The following C1orf21 variants were observed in gnomAD, a reference collection of about 807,000 sequenced individuals.
C1orf21 encodes uncharacterized protein C1orf21.
C1orf21 carries 3 observed loss-of-function variants against 18.7 expected under a neutral mutation model. That is an observed-to-expected ratio of 0.16 (90% CI 0.07 to 0.42). The LOEUF is 0.42. C1orf21 is among the 10% of genes least tolerant of loss of function. C1orf21 has a pLI of 0.99. For synonymous variants in C1orf21, 41 were observed against 46.4 expected (o/e 0.88, Z 0.47); for missense variants, 104 against 143.6 (o/e 0.72, Z 1.41).
At chr1:184,415,318 A>T (rs1269799048) in intron 1 of C1orf21, among the ~76,000 whole-genome samples, 1 of 151,940 alleles carries the variant, frequency 6.6e-6, no homozygotes, top group Non-Finnish European at 1.5e-5. Context: ...TCTTCTTTTG[A>T]CTCCTTACTC....
intron 3 of C1orf21, among the ~76,000 whole-genome samples, chr1:184,553,585 A>G (rs1474508308): frequency 6.6e-6 from 1 of 152,180 alleles, no homozygotes; most frequent in African/African-American, 2.4e-5. Context: ...TCAGGTTTTC[A>G]GGCTCCTTCT....
intron 1 of C1orf21, among the ~76,000 whole-genome samples, chr1:184,467,836 G>T (rs1657426087): frequency 6.6e-6 from 1 of 152,138 alleles, no homozygotes; most frequent in Non-Finnish European, 1.5e-5. Context: ...CAAAATTCAT[G>T]AGGTCATATA....
rs1656330008 is a variant in C1orf21 at position 184,410,649 on chromosome 1, ATATATATATATATATTTTT to A, written c.-125+23283_-125+23301del. ...TATATATATATATATATATATATAT[ATATATATATATATATTTTT>A]TTTTTTTTTTTTTGAGATGGAGTTT... is the stretch of plus-strand genomic sequence containing the variant. On this transcript the variant is annotated intron_variant, in intron 1 of 5. Coordinates refer to ENST00000235307, the MANE Select transcript of C1orf21 (RefSeq NM_030806.4). 5.4e-4 allele frequency among the ~76,000 whole-genome samples: 3 copies of A among 5,598 alleles called. 1 individual carries two copies. The highest frequency in any genetic ancestry group is 4.3e-3 in the African/African-American group (2 of 468). 3.7% of individuals were successfully genotyped at this position (5,598 alleles called of 152,430 possible). A position where few individuals can be genotyped will look rare whatever the true frequency, so the allele number is the denominator to read the frequency against.
chr1:184,473,844 C>T (rs1657530913), intron 1 of C1orf21, among the ~76,000 whole-genome samples: 1 of 152,170 alleles, frequency 6.6e-6, no homozygotes, highest in African/African-American at 2.4e-5. Flanking sequence ...TTCTAATTAT[C>T]TCCTTCTCTG....
At chr1:184,605,641 C>T (rs574383893) in intron 5 of C1orf21, among the ~76,000 whole-genome samples, 198 of 152,264 alleles carry the variant, frequency 1.3e-3, no homozygotes, top group African/African-American at 4.6e-3. Context: ...AGAGAAAGAG[C>T]CCATGCTTCA....
chr1:184,539,979 T>G (rs1376156956), intron 3 of C1orf21: 1 of 152,204 alleles, frequency 6.6e-6, no homozygotes, highest in Non-Finnish European at 1.5e-5. Flanking sequence ...GTGATGAACA[T>G]GTACCCACGA....
intron 5 of C1orf21, among the ~76,000 whole-genome samples, chr1:184,605,557 T>C (rs1005085493): frequency 9.2e-5 from 14 of 152,124 alleles, no homozygotes; most frequent in Non-Finnish European, 1.6e-4. Context: ...TGGAGCAGCG[T>C]AGCAGGTATA....
chr1:184,591,258 A>G (rs1659432191), intron 4 of C1orf21, among the ~76,000 whole-genome samples: 1 of 152,196 alleles, frequency 6.6e-6, no homozygotes, highest in Admixed American at 6.5e-5. Flanking sequence ...TCTAATATAA[A>G]GCTTTAGTAA....
chr1:184,509,715 T>C (rs560870759), intron 3 of C1orf21, among the ~76,000 whole-genome samples: 26 of 152,280 alleles, frequency 1.7e-4, no homozygotes, highest in African/African-American at 6.0e-4. Flanking sequence ...TAAAAAACAC[T>C]CTTTAAAATA....
chr1:184,597,100 C>G (rs921315152), intron 4 of C1orf21, among the ~76,000 whole-genome samples: 1 of 152,268 alleles, frequency 6.6e-6, no homozygotes, highest in Non-Finnish European at 1.5e-5. Context: ...TTAATGTACT[C>G]TCATCATCCC....
chr1:184,588,561 C>T (rs549708777), intron 3 of C1orf21, among the ~76,000 whole-genome samples: 60 of 152,170 alleles, frequency 3.9e-4, no homozygotes, highest in East Asian at 1.2e-3. Context: ...AGTGCTTCAC[C>T]GCTGTATGCC....
At chr1:184,598,325 C>T (rs1659544604) in intron 4 of C1orf21, 76 bp from the exon 5 acceptor site, 9 of 1,360,912 alleles carry the variant, frequency 6.6e-6, no homozygotes, top group Non-Finnish European at 9.2e-6. Flanking sequence ...AGTTTGGGGA[C>T]TCTGCATTTT....
chr1:184,569,888 C>G (rs1471623409), intron 3 of C1orf21, among the ~76,000 whole-genome samples: 1 of 152,164 alleles, frequency 6.6e-6, no homozygotes, highest in Non-Finnish European at 1.5e-5. Context: ...GCCATATGTC[C>G]TAAGCCAAAG....
At chr1:184,590,284 C>T (rs1659418976) in intron 3 of C1orf21, among the ~76,000 whole-genome samples, 2 of 152,150 alleles carry the variant, frequency 1.3e-5, no homozygotes, top group Non-Finnish European at 1.5e-5. Context: ...GGGTTTTAGT[C>T]ATGTTCCTGT....
At chr1:184,471,864 TG>T (rs1657501139) in intron 1 of C1orf21, among the ~76,000 whole-genome samples, 1 of 152,166 alleles carries the variant, frequency 6.6e-6, no homozygotes, top group African/African-American at 2.4e-5. Flanking sequence ...GAGGAATGAA[TG>T]TGTTCTGTGA....
At chr1:184,468,052 G>A (rs552074089) in intron 1 of C1orf21, among the ~76,000 whole-genome samples, 279 of 152,158 alleles carry the variant, frequency 1.8e-3, no homozygotes, top group Non-Finnish European at 3.1e-3. Flanking sequence ...GAGAGATTGA[G>A]AGAGAGAGAA....
chr1:184,580,213 C>T (rs1659257470), intron 3 of C1orf21, among the ~76,000 whole-genome samples: 1 of 152,188 alleles, frequency 6.6e-6, no homozygotes, highest in African/African-American at 2.4e-5. Context: ...GTAGCCATCA[C>T]TTTGATTGTG....
At chr1:184,434,687 C>T (rs907562712) in intron 1 of C1orf21, among the ~76,000 whole-genome samples, 1 of 152,158 alleles carries the variant, frequency 6.6e-6, no homozygotes, top group Admixed American at 6.6e-5. Flanking sequence ...TGATGGAAGG[C>T]ACCCATGACA....
intron 2 of C1orf21, among the ~76,000 whole-genome samples, chr1:184,507,354 A>C (rs182117139): frequency 6.6e-6 from 1 of 152,146 alleles, no homozygotes; most frequent in African/African-American, 2.4e-5. Flanking sequence ...AGGCAGTGAC[A>C]CTTTGATTAG....
Sources: gnomAD v4.1 joint callset for allele counts (sites outside exome capture counted in the v4.1 genomes callset) on GRCh38, gnomAD v4.1.1 for gene constraint, MANE v1.5 for transcripts, NCBI Gene and HGNC (gene_info 2026-07-23, HGNC 2026-07-21) for gene names.